Variants in ZNF324B observed in about 807,000 individuals in gnomAD.
ZNF324B encodes the protein zinc finger protein 324B.
In ZNF324B, 7 loss-of-function variants were observed where a neutral mutation model predicts 10.6. That is an observed-to-expected ratio of 0.66 (90% confidence interval 0.38 to 1.24). The LOEUF is 1.24. Among genes scored for constraint, ZNF324B ranks in the 50% most tolerant of loss-of-function variants. ZNF324B has a pLI of 0.02. For synonymous variants in ZNF324B, 316 were observed against 321.0 expected (o/e 0.98, Z 0.17); for missense variants, 640 against 764.7 (o/e 0.84, Z 1.92).
the ZNF324B span, chr19:58,436,833 G>C: frequency 2.8e-6 from 2 of 708,838 alleles, no homozygotes; most frequent in South Asian, 3.0e-5. Flanking sequence ...CCTCCACAAG[G>C]CTCCTGGGCA....
chr19:58,440,173 CCTCTCAA>C, the ZNF324B span: 3 of 342,630 alleles, frequency 8.8e-6, no homozygotes, highest in Non-Finnish European at 1.6e-5. Context: ...GGAAGTCCCG[CCTCTCAA>C]TGACAGCTCG....
chr19:58,422,956 G>A, the ZNF324B span, among the ~76,000 whole-genome samples: 22 of 152,114 alleles, frequency 1.4e-4, no homozygotes, highest in East Asian at 3.5e-3. Context: ...TACAAGCTCC[G>A]CCTCCCGGGT....
At chr19:58,437,207 A>G in the ZNF324B span, 1 of 1,593,682 alleles carries the variant, frequency 6.3e-7, no homozygotes, top group Non-Finnish European at 8.5e-7. Context: ...CACAGGGCCA[A>G]GAAGTATGCT....
At chr19:58,422,984 C>T in the ZNF324B span, among the ~76,000 whole-genome samples, 1 of 151,854 alleles carries the variant, frequency 6.6e-6, no homozygotes, top group African/African-American at 2.4e-5. Context: ...ATTCTTCTGC[C>T]TCGGCCTTCC....
Position 58,454,325 on chromosome 19 carries a change from C to A in ZNF324B, c.219C>A (p.Thr73=). 1 of 1,613,592 alleles carries A rather than the reference C, an allele frequency of 6.2e-7. No individual in the cohort carries two copies. The highest frequency in any genetic ancestry group is 8.5e-7 in the Non-Finnish European group (1 of 1,179,480). The change falls in exon 3 of 4, where the codon ACC becomes ACA. Residue 73 remains threonine (T), a synonymous_variant. Coordinates refer to ENST00000336614, the MANE Select transcript of ZNF324B (RefSeq NM_207395.3). ...SGKDMTLARN[T]YGRLNSGSWS... ...AGGACATGACCCTGGCCAGGAACAC[C>A]TACGGGAGGCTCAACTCTGGTGAGT...
the ZNF324B span, chr19:58,440,323 T>TTTTTTTAATGATA: frequency 5.9e-6 from 1 of 168,666 alleles, no homozygotes; most frequent in Non-Finnish European, 1.3e-5. Context: ...GCGTCGCTGC[T>TTTTTTTAATGATA]CAGGCAACGC....
chr19:58,436,976 G>T, the ZNF324B span: 1 of 1,606,316 alleles, frequency 6.2e-7, no homozygotes, highest in South Asian at 1.1e-5. Flanking sequence ...GCTTTGGGAT[G>T]AACAGAGCTT....
intron 1 of ZNF324B, 43 bp from the exon 2 acceptor site, chr19:58,453,653 C>T (rs1366507545): frequency 6.2e-7 from 1 of 1,614,022 alleles, no homozygotes; most frequent in Non-Finnish European, 8.5e-7. Flanking sequence ...GGCTCACAGC[C>T]ATACCTTAGA....
chr19:58,426,183 A>G, the ZNF324B span, among the ~76,000 whole-genome samples: 1 of 152,146 alleles, frequency 6.6e-6, no homozygotes, highest in African/African-American at 2.4e-5. Context: ...GTGCCAGAAG[A>G]AGGCTGGGGC....
intron 1 of ZNF324B, chr19:58,453,305 C>T (rs930364059): frequency 3.5e-6 from 1 of 283,966 alleles, no homozygotes; most frequent in African/African-American, 2.2e-5. Flanking sequence ...ATGGGCATGC[C>T]TGGGGGGTCC....
At chr19:58,424,337 C>T in the ZNF324B span, among the ~76,000 whole-genome samples, 9 of 152,202 alleles carry the variant, frequency 5.9e-5, no homozygotes, top group East Asian at 9.6e-4. Context: ...TAAATATATT[C>T]GACATCTTTT....
intron 3 of ZNF324B, 48 bp downstream of exon 3, chr19:58,454,392 A>G: frequency 1.6e-6 from 2 of 1,219,770 alleles, no homozygotes; most frequent in Non-Finnish European, 2.4e-6. Flanking sequence ...CCTGTGGCCA[A>G]GCCCATGTCC....
the ZNF324B span, among the ~76,000 whole-genome samples, chr19:58,419,780 G>C: frequency 2.6e-5 from 4 of 152,154 alleles, no homozygotes; most frequent in African/African-American, 9.7e-5. Context: ...GCTCAAGAGA[G>C]ACACGTAGGG....
chr19:58,427,291 T>TTTTCTTTCTTTCTTTCTC, the ZNF324B span, among the ~76,000 whole-genome samples: 1 of 58,310 alleles, frequency 1.7e-5, no homozygotes, highest in Non-Finnish European at 3.7e-5. Context: ...TGCCTGGCTT[T>TTTTCTTTCTTTCTTTCTC]TTTCTTTCTT....
At chr19:58,448,161 A>G (rs759619419), upstream of ZNF324B, among the ~76,000 whole-genome samples, 5 of 152,258 alleles carry the variant, frequency 3.3e-5, no homozygotes, top group Non-Finnish European at 5.9e-5. Flanking sequence ...GAATTGGGTA[A>G]CAGGCAGAGG....
At chr19:58,433,365 G>A in the ZNF324B span, 2 of 1,614,100 alleles carry the variant, frequency 1.2e-6, no homozygotes, top group Admixed American at 1.7e-5. Context: ...TACAAAGATG[G>A]CTGAAGAGTT....
Position 58,455,550 on chromosome 19 carries a change from C to T in ZNF324B, c.606C>T (p.Val202=). Residue 202 remains valine, a synonymous_variant, in exon 4 of 4, where the codon GTC becomes GTT. Coordinates refer to ENST00000336614, the MANE Select transcript of ZNF324B (RefSeq NM_207395.3). The surrounding 1 kb of genome is among the most constrained non-coding windows in gnomAD (Gnocchi z 7.0). ...GGCAGAAGCCATGTGCACAGGAGGT[C>T]CCTGGGAGAGCCTTCGGGAATGCCT... ...PERQKPCAQE[V]PGRAFGNASD... 2 of 1,614,090 alleles carry T rather than the reference C, an allele frequency of 1.2e-6. No homozygotes were observed. The highest frequency in any genetic ancestry group is 1.7e-6 in the Non-Finnish European group (2 of 1,180,020).
At chr19:58,450,464 CAAA>C (rs35336344), upstream of ZNF324B, among the ~76,000 whole-genome samples, 8 of 104,882 alleles carry the variant, frequency 7.6e-5, no homozygotes, top group Non-Finnish European at 1.2e-4. Flanking sequence ...GACCCTGTCT[CAAA>C]AAAAAAAAAA....
chr19:58,455,742 C>T lies in ZNF324B; in HGVS notation c.798C>T (p.Phe266=), dbSNP rs555542293. ...AATGCAGGGCGTGCAGCAAAGTGTT[C>T]GTGAAGAGCTCCGACCTCCTCAAGC... ...SFECRACSKV[F]VKSSDLLKHL... Residue 266 remains phenylalanine (F), a synonymous_variant, in exon 4 of 4, where the codon TTC becomes TTT. Coordinates refer to ENST00000336614, the MANE Select transcript of ZNF324B (RefSeq NM_207395.3). This position sits in a 1 kb window ranked among gnomAD's most constrained non-coding sequence, Gnocchi z 7.0. The T allele has an allele frequency of 1.2e-6, 2 of 1,613,812 alleles. No individual in the cohort carries two copies. The highest frequency in any genetic ancestry group is 1.7e-6 in the Non-Finnish European group (2 of 1,179,994).
Sources: allele counts gnomAD v4.1 joint callset (sites outside exome capture counted in the v4.1 genomes callset), GRCh38; gene constraint gnomAD v4.1.1; non-coding constraint Gnocchi (gnomAD v3.1); transcripts MANE v1.5; gene names NCBI Gene and HGNC (gene_info 2026-07-23, HGNC 2026-07-21).